Variants in GSDMC observed in about 807,000 individuals in gnomAD.
GSDMC encodes the protein gasdermin-C.
GSDMC carries 59 observed loss-of-function variants against 58.0 expected under a neutral mutation model. The ratio of observed to expected loss-of-function variants is 1.02; its 90% CI spans 0.82 to 1.26. The LOEUF (loss-of-function observed/expected upper bound fraction) is 1.26, where lower values mean the gene tolerates loss of function less well. Among genes scored for constraint, GSDMC ranks in the 50% most tolerant of loss-of-function variants. The probability of loss-of-function intolerance (pLI) is 0.00; values close to 1 mark genes in which losing one functional copy is unlikely to be tolerated. For missense variants in GSDMC, 659 were observed against 598.5 expected, an observed-to-expected ratio of 1.10 and a Z score of -1.06; for synonymous variants, 241 against 220.2, an observed-to-expected ratio of 1.09 and a Z score of -0.83.
the GSDMC span, among the ~76,000 whole-genome samples, chr8:129,712,602 G>A: frequency 6.6e-6 from 1 of 152,102 alleles, no homozygotes; most frequent in Non-Finnish European, 1.5e-5. Context: ...TATAAATCCT[G>A]GAAAGGAAGA....
chr8:129,720,374 A>C, the GSDMC span, among the ~76,000 whole-genome samples: 1 of 152,320 alleles, frequency 6.6e-6, no homozygotes, highest in East Asian at 1.9e-4. Flanking sequence ...GGATGTATCA[A>C]AAAGTTTCTT....
At chr8:129,741,313 G>T in the GSDMC span, among the ~76,000 whole-genome samples, 1 of 152,008 alleles carries the variant, frequency 6.6e-6, no homozygotes, top group Non-Finnish European at 1.5e-5. Flanking sequence ...ACTCAAAATT[G>T]TTTGGCTATT....
chr8:129,763,536 G>A (rs552567350), intron 4 of GSDMC, among the ~76,000 whole-genome samples: 10 of 152,098 alleles, frequency 6.6e-5, no homozygotes, highest in South Asian at 2.1e-4. Context: ...TCTGGAACTC[G>A]TATTATTCAG....
At chr8:129,716,617 C>T in the GSDMC span, among the ~76,000 whole-genome samples, 1 of 152,178 alleles carries the variant, frequency 6.6e-6, no homozygotes, top group Non-Finnish European at 1.5e-5. Flanking sequence ...ATTTCTTTCT[C>T]TTGCCTGATT....
the GSDMC span, among the ~76,000 whole-genome samples, chr8:129,713,242 C>T: frequency 3.7e-4 from 57 of 152,322 alleles, no homozygotes; most frequent in Admixed American, 1.8e-3. Flanking sequence ...AATCTCCCTA[C>T]AACAGCAAAG....
At position 129,761,760 on chromosome 8, in the gene GSDMC, C is replaced by T. The variant is rs971413041; in HGVS notation, c.676+866G>A. Among the ~76,000 whole-genome samples, 9 of 152,166 alleles carry T rather than the reference C, an allele frequency of 5.9e-5. 1 individual carries two copies. The highest frequency in any genetic ancestry group is 1.9e-4 in the African/African-American group (8 of 41,440). ...ACCCCTTCTCCTCATTAGAGAGCTG[C>T]TTTGGATATGGTCAGTCTTTCCAGA... On this transcript the variant is annotated intron_variant, in intron 5 of 13. Transcript: ENST00000276708.
In GSDMC at chr8:129,777,418, G is replaced by A. The variant is rs961715187; in HGVS notation, c.170C>T (p.Pro57Leu). 3.1e-6 allele frequency: 5 copies of A among 1,613,594 alleles called. No individual in the cohort carries two copies. In the Admixed American group the frequency reaches 8.3e-5, roughly 27 times the overall value. ...SSFWEQSDYV[P>L]VEFSLNDILE... The stretch of plus-strand genomic sequence containing the variant: ...GATGTCATTGAGGGAGAATTCAACT[G>A]GAACATAGTCAGATTGTTCCCAAAA... Residue 57 changes from proline (P) to leucine (L), a missense_variant, in exon 2 of 14, where the codon CCA (proline) becomes CTA (leucine). By Grantham distance (98) the Pro-to-Leu change is moderately conservative (BLOSUM62 -3). Transcript: ENST00000276708.
chr8:129,735,331 A>C, the GSDMC span, among the ~76,000 whole-genome samples: 4 of 152,184 alleles, frequency 2.6e-5, no homozygotes. Flanking sequence ...AGAACTCTCC[A>C]CCCCAAATCA....
At chr8:129,780,278 C>T (rs148144966) in intron 1 of GSDMC, among the ~76,000 whole-genome samples, 2,171 of 152,130 alleles carry the variant, frequency 0.014, 61 homozygotes, top group African/African-American at 0.049. Context: ...TATTCAAGTA[C>T]AAGGTACAAG....
At chr8:129,725,086 C>G in the GSDMC span, among the ~76,000 whole-genome samples, 2 of 152,172 alleles carry the variant, frequency 1.3e-5, no homozygotes, top group African/African-American at 4.8e-5. Flanking sequence ...CTCTGCTAGC[C>G]TGAGAAAGCT....
At chr8:129,753,469 C>A (rs1384182033) in intron 6 of GSDMC, among the ~76,000 whole-genome samples, 1 of 152,158 alleles carries the variant, frequency 6.6e-6, no homozygotes. Flanking sequence ...AATACAGAAC[C>A]ATTGGGCCCT....
chr8:129,734,355 C>G, the GSDMC span, among the ~76,000 whole-genome samples: 4 of 152,078 alleles, frequency 2.6e-5, no homozygotes, highest in Non-Finnish European at 5.9e-5. Flanking sequence ...AGAAGAGCAA[C>G]CCCAAGACAC....
rs192985072 is a variant in GSDMC at position 129,773,556 on chromosome 8, G to A, written c.404+2546C>T. 1.8e-3 allele frequency among the ~76,000 whole-genome samples: 268 copies of A among 152,026 alleles called. 2 individuals carry two copies. The highest frequency in any genetic ancestry group is 5.8e-3 in the African/African-American group (240 of 41,484). On this transcript the variant is annotated intron_variant, in intron 3 of 13. Coordinates refer to ENST00000276708, the MANE Select transcript of GSDMC (RefSeq NM_031415.3). ...TTCCAGCTCTTTGGGAGGCTGAGGC[G>A]GGTGGATCACCTGAGGTCAGGAGTT...
chr8:129,713,158 T>C, the GSDMC span, among the ~76,000 whole-genome samples: 4 of 152,236 alleles, frequency 2.6e-5, no homozygotes, highest in Admixed American at 6.5e-5. Context: ...CTTTACATGA[T>C]AGCACTTTTG....
intron 6 of GSDMC, among the ~76,000 whole-genome samples, chr8:129,758,819 C>T (rs1250760717): frequency 6.6e-6 from 1 of 151,876 alleles, no homozygotes. Context: ...CAATGCAATC[C>T]CTATCAAAAC....
chr8:129,741,150 C>T, the GSDMC span, among the ~76,000 whole-genome samples: 1 of 152,060 alleles, frequency 6.6e-6, no homozygotes, highest in African/African-American at 2.4e-5. Context: ...AATCAATTGA[C>T]CCTAAATACT....
At chr8:129,728,408 C>G in the GSDMC span, among the ~76,000 whole-genome samples, 1 of 152,166 alleles carries the variant, frequency 6.6e-6, no homozygotes, top group African/African-American at 2.4e-5. Context: ...AGGTTGTCCC[C>G]GCATCACCAT....
At chr8:129,735,834 C>CA in the GSDMC span, among the ~76,000 whole-genome samples, 5 of 152,116 alleles carry the variant, frequency 3.3e-5, no homozygotes, top group South Asian at 4.1e-4. Flanking sequence ...GATAGAGACA[C>CA]AAAAAACCCT....
chr8:129,736,712 C>A, the GSDMC span, among the ~76,000 whole-genome samples: 2 of 152,206 alleles, frequency 1.3e-5, no homozygotes, highest in Non-Finnish European at 2.9e-5. Flanking sequence ...TGGAAGCATT[C>A]CTTTTGAAAA....
Sources: allele counts gnomAD v4.1 joint callset (sites outside exome capture counted in the v4.1 genomes callset), GRCh38; gene constraint gnomAD v4.1.1; transcripts MANE v1.5; gene names NCBI Gene and HGNC (gene_info 2026-07-23, HGNC 2026-07-21).